The following RANBP17 variants were observed in gnomAD, a reference collection of about 807,000 sequenced individuals.
The protein encoded by RANBP17 is ran-binding protein 17.
A neutral mutation model predicts 141.2 loss-of-function variants in RANBP17; 158 were observed. The ratio of observed to expected loss-of-function variants is 1.12; its 90% confidence interval spans 0.98 to 1.28. RANBP17 has a LOEUF of 1.28. Among genes scored for constraint, RANBP17 ranks in the 50% most tolerant of loss-of-function variants. RANBP17 has a pLI of 0.00. For synonymous variants in RANBP17, 430 were observed against 450.0 expected (o/e 0.96, Z 0.56); for missense variants, 1,438 against 1,290.7 (o/e 1.11, Z -1.75).
chr5:171,199,559 G>C, intron 18 of RANBP17, 111 bp from the exon 19 acceptor site: 1 of 588,290 alleles, frequency 1.7e-6, no homozygotes, highest in Non-Finnish European at 3.0e-6. Flanking sequence ...GTGAATGCAG[G>C]CTGACCCCTT....
chr5:171,030,090 T>C (rs1303119177), intron 14 of RANBP17, among the ~76,000 whole-genome samples: 1 of 152,058 alleles, frequency 6.6e-6, no homozygotes, highest in Admixed American at 6.6e-5. Context: ...CTTCAGTGAG[T>C]TTGCTACAGT....
At chr5:170,871,844 T>C (rs1767754990) in intron 1 of RANBP17, among the ~76,000 whole-genome samples, 1 of 152,192 alleles carries the variant, frequency 6.6e-6, no homozygotes, top group African/African-American at 2.4e-5. Context: ...TGTGGTCTTA[T>C]TTCTGAGGTC....
At chr5:170,979,126 A>G (rs929797899) in intron 14 of RANBP17, among the ~76,000 whole-genome samples, 23 of 152,232 alleles carry the variant, frequency 1.5e-4, no homozygotes, top group African/African-American at 5.3e-4. Flanking sequence ...AATTCTACCT[A>G]TGGTAAAAAT....
chr5:171,056,870 T>A (rs1207470175), intron 14 of RANBP17, among the ~76,000 whole-genome samples: 2 of 152,132 alleles, frequency 1.3e-5, no homozygotes, highest in African/African-American at 4.8e-5. Context: ...GAAGACAGCT[T>A]TCCAACCAAT....
chr5:170,962,571 A>G (rs1036614842), intron 13 of RANBP17, among the ~76,000 whole-genome samples: 1 of 152,234 alleles, frequency 6.6e-6, no homozygotes, highest in Non-Finnish European at 1.5e-5. Context: ...AATTTGATGT[A>G]TATATCTATT....
chr5:171,060,084 T>C (rs1200554918), intron 14 of RANBP17, among the ~76,000 whole-genome samples: 2 of 61,112 alleles, frequency 3.3e-5, no homozygotes, highest in African/African-American at 1.2e-4. Context: ...TGGGGTTTTC[T>C]AGATATACAA....
At chr5:171,130,903 G>A (rs979669097) in intron 14 of RANBP17, among the ~76,000 whole-genome samples, 3 of 152,022 alleles carry the variant, frequency 2.0e-5, no homozygotes, top group Non-Finnish European at 4.4e-5. Flanking sequence ...GAGTGTTACA[G>A]CATTTTATTT....
In RANBP17 at chr5:171,183,402, G is replaced by A. The variant is rs144361650; in HGVS notation, c.2010G>A (p.Ala670=). 158 of 1,613,192 alleles carry A rather than the reference G, an allele frequency of 9.8e-5. No individual in the cohort carries two copies. Among genetic ancestry groups the A allele is most frequent in the Middle Eastern group, 4.9e-4 (3 of 6,084 alleles). Residue 670 remains alanine, a synonymous_variant, in exon 18 of 28, where the codon GCG becomes GCA. Transcript: ENST00000523189. ...GGTGTCGAACAACCTTCTACACAGC[G>A]CTCACTCGCCTTCTGATGGTAGATC... ...DFRCRTTFYT[A]LTRLLMVDLG...
intron 14 of RANBP17, among the ~76,000 whole-genome samples, chr5:171,152,351 G>A (rs932822608): frequency 1.3e-5 from 2 of 151,490 alleles, no homozygotes; most frequent in South Asian, 4.2e-4. Context: ...CCCGGGAGGC[G>A]GAGGTTGCAG....
chr5:171,277,021 C>T (rs1404271111), intron 25 of RANBP17, among the ~76,000 whole-genome samples: 4 of 144,202 alleles, frequency 2.8e-5, no homozygotes, highest in Non-Finnish European at 4.5e-5. Flanking sequence ...AATATGTATT[C>T]AAAAGGAATT....
chr5:170,980,591 G>A (rs186940778), intron 14 of RANBP17, among the ~76,000 whole-genome samples: 1 of 152,352 alleles, frequency 6.6e-6, no homozygotes, highest in East Asian at 1.9e-4. Flanking sequence ...GAGGGTGCAA[G>A]CCCCAAGCCT....
intron 14 of RANBP17, among the ~76,000 whole-genome samples, chr5:170,998,425 T>A (rs911706988): frequency 6.6e-6 from 1 of 152,194 alleles, no homozygotes; most frequent in Non-Finnish European, 1.5e-5. Context: ...ATTCTGAGGC[T>A]TATCCGTGTA....
intron 11 of RANBP17, among the ~76,000 whole-genome samples, chr5:170,924,124 C>G (rs537195630): frequency 3.6e-4 from 55 of 151,846 alleles, no homozygotes; most frequent in Non-Finnish European, 5.9e-4. Context: ...CAGCCTCTTG[C>G]GTAACTGGGA....
chr5:171,151,667 T>G (rs1019771126), intron 14 of RANBP17, among the ~76,000 whole-genome samples: 1 of 152,188 alleles, frequency 6.6e-6, no homozygotes, highest in Non-Finnish European at 1.5e-5. Context: ...GAGACAGTTA[T>G]GAACTAGGTG....
intron 12 of RANBP17, among the ~76,000 whole-genome samples, chr5:170,931,507 C>A (rs1249094956): frequency 6.6e-6 from 1 of 152,118 alleles, no homozygotes; most frequent in Non-Finnish European, 1.5e-5. Flanking sequence ...AATGGTATTG[C>A]TTAGGTTTTC....
intron 14 of RANBP17, among the ~76,000 whole-genome samples, chr5:170,995,554 A>T (rs983323729): frequency 6.6e-6 from 1 of 152,170 alleles, no homozygotes; most frequent in Non-Finnish European, 1.5e-5. Flanking sequence ...AAAGCTTTGT[A>T]TACCAAGGTA....
intron 14 of RANBP17, among the ~76,000 whole-genome samples, chr5:171,047,443 T>C (rs1258013315): frequency 3.8e-5 from 1 of 26,632 alleles, no homozygotes; most frequent in Non-Finnish European, 1.5e-4. Flanking sequence ...TTTTGTTTTG[T>C]TTTTTTTTTT....
intron 14 of RANBP17, among the ~76,000 whole-genome samples, chr5:171,002,571 A>G (rs1194612940): frequency 6.6e-6 from 1 of 152,176 alleles, no homozygotes; most frequent in Non-Finnish European, 1.5e-5. Flanking sequence ...TATGGAAGGC[A>G]TATTTAGAGT....
chr5:171,051,143 A>G (rs937483695), intron 14 of RANBP17, among the ~76,000 whole-genome samples: 3 of 152,024 alleles, frequency 2.0e-5, no homozygotes, highest in Non-Finnish European at 4.4e-5. Flanking sequence ...CAATATGTCA[A>G]AATTGTCTGG....
Sources: allele counts gnomAD v4.1 joint callset (sites outside exome capture counted in the v4.1 genomes callset), GRCh38; gene constraint gnomAD v4.1.1; transcripts MANE v1.5; gene names NCBI Gene and HGNC (gene_info 2026-07-23, HGNC 2026-07-21).